The following MTAP variants were observed in gnomAD, a reference collection of about 807,000 sequenced individuals.
MTAP encodes methylthioadenosine phosphorylase, also known as S-methyl-5'-thioadenosine phosphorylase.
MTAP carries 33 observed loss-of-function variants against 33.6 expected under a neutral mutation model. The observed-to-expected ratio is 0.98, with a 90% confidence interval of 0.74 to 1.31. The LOEUF (loss-of-function observed/expected upper bound fraction) is 1.31. Among genes scored for constraint, MTAP ranks in the 40% most tolerant of loss-of-function variants. MTAP has a pLI of 0.00. For synonymous variants in MTAP, 148 were observed against 125.7 expected (o/e 1.18, Z -1.19); for missense variants, 367 against 360.0 (o/e 1.02, Z -0.16).
downstream of MTAP, among the ~76,000 whole-genome samples, chr9:21,938,313 C>G (rs1198942931): frequency 2.0e-5 from 3 of 151,612 alleles, no homozygotes; most frequent in Non-Finnish European, 4.4e-5. Flanking sequence ...GGTGTCATGC[C>G]TGTAGTCCCA....
At chr9:21,859,031 A>G (rs1825696249) in intron 6 of MTAP, 1 of 254,752 alleles carries the variant, frequency 3.9e-6, no homozygotes, top group South Asian at 1.0e-4. Flanking sequence ...TCTCACTGGA[A>G]CCTCACACGG....
intron 1 of MTAP, among the ~76,000 whole-genome samples, chr9:21,878,580 T>G (rs571850846): frequency 6.6e-6 from 1 of 152,302 alleles, no homozygotes; most frequent in East Asian, 1.9e-4. Context: ...CAGGCTTATC[T>G]CCAACTCCTG....
intron 1 of MTAP, among the ~76,000 whole-genome samples, chr9:21,906,521 G>C (rs944186385): frequency 1.3e-5 from 2 of 151,998 alleles, no homozygotes; most frequent in Admixed American, 6.6e-5. Flanking sequence ...GATGCAAGAG[G>C]ACTGAAGGGC....
chr9:21,922,166 G>T lies in MTAP; in HGVS notation c.148-8842G>T, dbSNP rs1216435345. ...GCAGAGTTTAACTGGTGTATGACCA[G>T]TTCCTCTAGGAACACTTGACTGGCA... is the stretch of plus-strand genomic sequence containing the variant. On this transcript the variant is annotated intron_variant, in intron 1 of 1. Transcript: ENST00000577563. This position sits in a 1 kb window ranked among gnomAD's most constrained non-coding sequence, Gnocchi z 4.8. Among the ~76,000 whole-genome samples the T allele has an allele frequency of 6.6e-6, 1 of 151,976 alleles. No individual in the cohort carries two copies. The highest frequency in any genetic ancestry group is 1.5e-5 in the Non-Finnish European group (1 of 68,020).
chr9:21,837,222 G>A (rs762554393), intron 4 of MTAP, among the ~76,000 whole-genome samples: 2 of 152,110 alleles, frequency 1.3e-5, no homozygotes, highest in African/African-American at 4.8e-5. Flanking sequence ...ATGAGGCAGC[G>A]AACAAAGATT....
At chr9:21,904,662 A>G (rs1360644469) in intron 1 of MTAP, among the ~76,000 whole-genome samples, 3 of 152,240 alleles carry the variant, frequency 2.0e-5, no homozygotes, top group African/African-American at 7.2e-5. Flanking sequence ...AAACAGGGCA[A>G]AAAGAGATTT....
At chr9:21,916,079 GA>G (rs369675066) in intron 1 of MTAP, among the ~76,000 whole-genome samples, 2 of 128,074 alleles carry the variant, frequency 1.6e-5, no homozygotes, top group Non-Finnish European at 3.2e-5. Context: ...AGGGAGGAAG[GA>G]AAGGAAGGAA....
chr9:21,893,601 C>T (rs1818235488), intron 1 of MTAP: 1 of 152,006 alleles, frequency 6.6e-6, no homozygotes, highest in South Asian at 2.1e-4. Context: ...ATAAAAAACC[C>T]TCAAAGACTA....
chr9:21,823,639 C>T (rs1323987924), intron 4 of MTAP, among the ~76,000 whole-genome samples: 2 of 152,074 alleles, frequency 1.3e-5, no homozygotes, highest in African/African-American at 2.4e-5. Flanking sequence ...TCTGTATTTC[C>T]TGAGTTTGAA....
At position 21,874,839 on chromosome 9, in the gene MTAP, C is replaced by T. The variant is rs550589392; in HGVS notation, c.147+19969C>T. Among the ~76,000 whole-genome samples the T allele has an allele frequency of 5.9e-5, 9 of 151,952 alleles. No individual in the cohort carries two copies. The South Asian group carries it at 1.9e-3, about 32-fold the overall frequency. On this transcript the variant is annotated intron_variant, in intron 1 of 1. Transcript: ENST00000577563. Reference sequence around the variant, plus strand: ...ATTAGGTATTTTTCCTAATGCTATCCCTCCCCTAGCCCACACCCTGACAGG... The same window carrying T: ...ATTAGGTATTTTTCCTAATGCTATCTCTCCCCTAGCCCACACCCTGACAGG...
chr9:21,894,496 G>A (rs4977569), intron 1 of MTAP, among the ~76,000 whole-genome samples: 40,490 of 150,516 alleles, frequency 0.27, 5,839 homozygotes, highest in East Asian at 0.39. Context: ...GTACCTAGAA[G>A]ACTCCATAGT....
At chr9:21,903,069 C>T (rs966208115) in intron 1 of MTAP, among the ~76,000 whole-genome samples, 2 of 147,352 alleles carry the variant, frequency 1.4e-5, no homozygotes, top group African/African-American at 4.9e-5. Flanking sequence ...GTTGTCTTCT[C>T]CTTAAGTATA....
intron 4 of MTAP, among the ~76,000 whole-genome samples, chr9:21,819,794 C>T (rs555196977): frequency 5.6e-4 from 86 of 152,364 alleles, no homozygotes; most frequent in Non-Finnish European, 7.9e-4. Context: ...ACATCCTCTC[C>T]AGCACCTGTT....
intron 4 of MTAP, among the ~76,000 whole-genome samples, chr9:21,837,691 C>A (rs1240040753): frequency 6.6e-6 from 1 of 152,150 alleles, no homozygotes; most frequent in Non-Finnish European, 1.5e-5. Flanking sequence ...CACTTTAATT[C>A]TTGTTGTGCG....
chr9:21,872,284 C>T (rs1413870441), intron 1 of MTAP, among the ~76,000 whole-genome samples: 1 of 152,218 alleles, frequency 6.6e-6, no homozygotes, highest in Non-Finnish European at 1.5e-5. Context: ...CGCCACTGCA[C>T]TCCAGCCTGG....
At chr9:21,840,701 G>A (rs1325663502) in intron 5 of MTAP, among the ~76,000 whole-genome samples, 4 of 152,220 alleles carry the variant, frequency 2.6e-5, no homozygotes, top group Admixed American at 6.5e-5. Context: ...GGCGAAGGAA[G>A]CTCCCAAATG....
chr9:21,804,659 C>T (rs1050906695), intron 1 of MTAP, among the ~76,000 whole-genome samples: 2 of 152,122 alleles, frequency 1.3e-5, no homozygotes, highest in Admixed American at 6.5e-5. Context: ...TGTGAGGTGC[C>T]AGTGTCCAGA....
intron 1 of MTAP, among the ~76,000 whole-genome samples, chr9:21,879,309 CTTCT>C (rs1272432519): frequency 6.6e-6 from 1 of 151,990 alleles, no homozygotes; most frequent in African/African-American, 2.4e-5. Flanking sequence ...ATATAATGCC[CTTCT>C]TTATCTTTTT....
At chr9:21,931,011 A>G (rs752582852) in exon 2 of MTAP, 1 of 763,194 alleles carries the variant, frequency 1.3e-6, no homozygotes, top group East Asian at 2.4e-5. Context: ...CCTTTAGATG[A>G]TCAAGTTCCA....
Sources: gnomAD v4.1 joint callset for allele counts (sites outside exome capture counted in the v4.1 genomes callset) on GRCh38, gnomAD v4.1.1 for gene constraint, Gnocchi (gnomAD v3.1) non-coding constraint, MANE v1.5 for transcripts, NCBI Gene and HGNC (gene_info 2026-07-23, HGNC 2026-07-21) for gene names.